LATS1: variants seen among roughly 807,000 people sequenced by gnomAD.
LATS1 encodes the protein serine/threonine-protein kinase LATS1.
In LATS1, 25 loss-of-function variants were observed where a neutral mutation model predicts 106.6. The observed-to-expected ratio is 0.23, with a 90% confidence interval of 0.17 to 0.33. The LOEUF (loss-of-function observed/expected upper bound fraction) is 0.33. LATS1 is among the 10% of genes least tolerant of loss of function. The pLI, the probability that LATS1 is intolerant of heterozygous loss-of-function variation, is 1.00. For missense variants in LATS1, 1,040 were observed against 1,382.6 expected, an observed-to-expected ratio of 0.75 and a Z score of 3.93; for synonymous variants, 465 against 455.6, an observed-to-expected ratio of 1.02 and a Z score of -0.26.
intron 1 of LATS1, among the ~76,000 whole-genome samples, chr6:149,709,490 G>T (rs1325213062): frequency 1.3e-5 from 2 of 152,006 alleles, no homozygotes; most frequent in Non-Finnish European, 2.9e-5. Context: ...GCCTGATCCA[G>T]GAGAGAATCA....
At chr6:149,697,223 C>A in intron 2 of LATS1, 1 of 967,122 alleles carries the variant, frequency 1.0e-6, no homozygotes, top group East Asian at 4.9e-5. Context: ...TGAGACCAAC[C>A]AAAGAAAGGA....
At chr6:149,668,419 T>C (rs1315107867) in intron 7 of LATS1, among the ~76,000 whole-genome samples, 1 of 149,470 alleles carries the variant, frequency 6.7e-6, no homozygotes, top group Non-Finnish European at 1.5e-5. Flanking sequence ...CAGGTAAACA[T>C]AAATGACTAT....
At position 149,676,630 on chromosome 6, in the gene LATS1, G is replaced by C; in HGVS notation, c.2701C>G (p.Gln901Glu). 1 of 1,614,094 alleles carries C rather than the reference G, an allele frequency of 6.2e-7. No individual in the cohort carries two copies. ...LKPLERRAAR[Q>E]HQRCLAHSLV... ...GAATGTGCTAGACATCGCTGGTGCT[G>C]GCGTGCAGCTCTCCGCTCTAATGGC... is the stretch of plus-strand genomic sequence containing the variant. The change falls in exon 6 of 8, where the codon CAG becomes GAG. Residue 901 changes from glutamine to glutamate, a missense_variant. By Grantham distance (29) the Gln-to-Glu change is conservative. Coordinates refer to ENST00000543571, the MANE Select transcript of LATS1 (RefSeq NM_004690.4).
At chr6:149,716,913 A>T (rs1260249713) in intron 1 of LATS1, among the ~76,000 whole-genome samples, 1 of 152,208 alleles carries the variant, frequency 6.6e-6, no homozygotes, top group Non-Finnish European at 1.5e-5. Flanking sequence ...TCATGGAGGA[A>T]ATTTGATAAA....
chr6:149,678,837 G>C (rs2114783864), intron 5 of LATS1, among the ~76,000 whole-genome samples: 1 of 152,210 alleles, frequency 6.6e-6, no homozygotes, highest in South Asian at 2.1e-4. Context: ...CTAGGTCTCA[G>C]TTTCTTCATC....
intron 7 of LATS1, among the ~76,000 whole-genome samples, chr6:149,663,378 G>A (rs913686177): frequency 6.6e-6 from 1 of 152,078 alleles, no homozygotes; most frequent in Non-Finnish European, 1.5e-5. Context: ...GCTACTTGAG[G>A]TGGGAGGATG....
At chr6:149,698,638 C>T (rs1428121849) in intron 2 of LATS1, among the ~76,000 whole-genome samples, 7 of 150,686 alleles carry the variant, frequency 4.6e-5, no homozygotes, top group Non-Finnish European at 7.4e-5. Flanking sequence ...GCAACCTCCG[C>T]CGCCCAGGTT....
At chr6:149,677,830 G>A (rs1169977687) in intron 5 of LATS1, among the ~76,000 whole-genome samples, 1 of 152,026 alleles carries the variant, frequency 6.6e-6, no homozygotes, top group Admixed American at 6.6e-5. Flanking sequence ...GACCATCCTG[G>A]CCAACATGGT....
chr6:149,699,624 T>C (rs1269121661), intron 2 of LATS1, among the ~76,000 whole-genome samples: 1 of 152,218 alleles, frequency 6.6e-6, no homozygotes, highest in East Asian at 1.9e-4. Flanking sequence ...GTAGTAGCAC[T>C]TCAATGAAAA....
Position 149,684,194 on chromosome 6 carries a change from C to T in LATS1, c.895G>A (p.Gly299Ser), listed in dbSNP as rs1423398816. Residue 299 changes from glycine to serine, a missense_variant, in exon 4 of 8, where the codon GGC (glycine) becomes AGC (serine). Coordinates refer to ENST00000543571, the MANE Select transcript of LATS1 (RefSeq NM_004690.4). ...GTGTTGAGAGGTGGTGGAGGATAGC[C>T]CTCTTGCCATGCCCCAGGTGGGACA... Reference protein sequence around the residue: ...SPVPPGAWQEGYPPPPLNTSP... With the variant: ...SPVPPGAWQESYPPPPLNTSP... 1.2e-6 allele frequency: 2 copies of T among 1,614,050 alleles called. No homozygotes were observed. The highest frequency in any genetic ancestry group is 2.7e-5 in the African/African-American group (2 of 74,914).
At chr6:149,663,357 C>T (rs187852003) in intron 7 of LATS1, among the ~76,000 whole-genome samples, 1 of 152,054 alleles carries the variant, frequency 6.6e-6, no homozygotes, top group South Asian at 2.1e-4. Flanking sequence ...TGGTGTACAC[C>T]TGTGGTCCCA....
chr6:149,699,634 A>G (rs937518972), intron 2 of LATS1, among the ~76,000 whole-genome samples: 5 of 152,226 alleles, frequency 3.3e-5, no homozygotes, highest in African/African-American at 4.8e-5. Context: ...TTCAATGAAA[A>G]AAAGCACAAA....
chr6:149,679,738 C>A (rs1781933748), intron 5 of LATS1, 137 bp downstream of exon 5: 1 of 620,784 alleles, frequency 1.6e-6, no homozygotes, highest in African/African-American at 1.8e-5. Context: ...TGGAGTCACC[C>A]AAGTTTATCC....
At chr6:149,684,644 A>C (rs1262552782) in intron 3 of LATS1, 52 bp from the exon 4 acceptor site, 2 of 1,350,448 alleles carry the variant, frequency 1.5e-6, no homozygotes, top group South Asian at 3.1e-5. Context: ...TTTAACCTCT[A>C]ATTTTTGAAA....
chr6:149,685,061 C>T (rs1782290371), intron 3 of LATS1, among the ~76,000 whole-genome samples: 1 of 151,960 alleles, frequency 6.6e-6, no homozygotes. Context: ...CATGGTGAAA[C>T]TCCATTTCTA....
rs147204782 is a variant in LATS1, at chr6:149,666,388, C to T, written c.2884-4150G>A. 5.4e-3 allele frequency among the ~76,000 whole-genome samples: 800 copies of T among 149,022 alleles called. 7 individuals are homozygous for T. The highest frequency in any genetic ancestry group is 0.019 in the African/African-American group (766 of 40,592). On this transcript the variant is annotated intron_variant, in intron 7 of 7. Transcript: ENST00000543571. ...ATCCCAGCACTTTGGGAGGCTGAGGCGGGCAGATCACAAGGTCAGGAGTTC... is the reference window on the plus strand; with the variant it reads ...ATCCCAGCACTTTGGGAGGCTGAGGTGGGCAGATCACAAGGTCAGGAGTTC...
intron 2 of LATS1, 109 bp from the exon 3 acceptor site, chr6:149,695,330 C>T: frequency 1.5e-6 from 1 of 666,130 alleles, no homozygotes. Flanking sequence ...TTATGAAGAA[C>T]ACAGCCCCAA....
At position 149,702,168 on chromosome 6, in the gene LATS1, T is replaced by C. The variant is rs1783501718; in HGVS notation, c.-42A>G. On this transcript the variant is annotated 5_prime_UTR_variant, in exon 2 of 8. Transcript: ENST00000543571. ...GTAGCCCACACGAAGGACTTCTTTA[T>C]TTGATAGATCCAGAGCTTTCTTCTG... The C allele has an allele frequency of 3.8e-6, 5 of 1,313,832 alleles. No individual in the cohort carries two copies. Among genetic ancestry groups the C allele is most frequent in the African/African-American group, 1.5e-5 (1 of 67,844 alleles). The allele number at this position is 1,313,832 out of a possible 1,614,324, so 81.4% of individuals were successfully genotyped here.
chr6:149,705,147 A>G (rs1783692057), intron 1 of LATS1, among the ~76,000 whole-genome samples: 2 of 152,118 alleles, frequency 1.3e-5, no homozygotes, highest in Admixed American at 1.3e-4. Context: ...TATCTATAAC[A>G]TAATAATACA....
Sources: allele counts gnomAD v4.1 joint callset (sites outside exome capture counted in the v4.1 genomes callset), GRCh38; gene constraint gnomAD v4.1.1; transcripts MANE v1.5; gene names NCBI Gene and HGNC (gene_info 2026-07-23, HGNC 2026-07-21).